LPAR1: variants seen among roughly 807,000 people sequenced by gnomAD.
LPAR1 encodes the protein lysophosphatidic acid receptor 1.
Under a neutral mutation model 23.8 loss-of-function variants are expected in LPAR1, and 5 were observed. That is an observed-to-expected ratio of 0.21 (90% CI 0.11 to 0.44). The LOEUF (loss-of-function observed/expected upper bound fraction) is 0.44, where lower values mean the gene tolerates loss of function less well. Among genes scored for constraint, LPAR1 ranks in the 20% least tolerant of loss-of-function variants. The probability of loss-of-function intolerance (pLI) is 0.99; values close to 1 mark genes in which losing one functional copy is unlikely to be tolerated. For missense variants in LPAR1, 311 were observed against 482.8 expected, an observed-to-expected ratio of 0.64 and a Z score of 3.33; for synonymous variants, 160 against 164.7, an observed-to-expected ratio of 0.97 and a Z score of 0.22.
At chr9:110,942,803 T>G (rs1023948198) in intron 4 of LPAR1, among the ~76,000 whole-genome samples, 1 of 152,164 alleles carries the variant, frequency 6.6e-6, no homozygotes, top group African/African-American at 2.4e-5. Flanking sequence ...ATAGGACTTG[T>G]CAACCAATCT....
chr9:110,874,512 G>T lies in LPAR1; in HGVS notation c.*909C>A, dbSNP rs919476830. 6.6e-6 allele frequency: 1 copy of T among 152,414 alleles called. No homozygotes were observed. The highest frequency in any genetic ancestry group is 6.6e-5 in the Admixed American group (1 of 15,246). The allele number at this position is 152,414 out of a possible 1,614,324, so 9.4% of individuals were successfully genotyped here. Reference sequence around the variant, plus strand: ...CATTTTTGCTTTTTTATACATTTCTGCATTTTTCAAGTTTTCTATGATGAG... The same window carrying T: ...CATTTTTGCTTTTTTATACATTTCTTCATTTTTCAAGTTTTCTATGATGAG... On this transcript the variant is annotated 3_prime_UTR_variant, in exon 6 of 6. Coordinates refer to ENST00000683809, the MANE Select transcript of LPAR1 (RefSeq NM_001351411.2).
chr9:110,878,134 T>C (rs974846550), intron 5 of LPAR1, among the ~76,000 whole-genome samples: 5 of 152,154 alleles, frequency 3.3e-5, no homozygotes, highest in Non-Finnish European at 5.9e-5. Context: ...AACTGGTTTT[T>C]GTACTAGGAT....
intron 4 of LPAR1, among the ~76,000 whole-genome samples, chr9:110,951,967 T>G (rs1044091512): frequency 6.6e-6 from 1 of 152,216 alleles, no homozygotes; most frequent in Admixed American, 6.5e-5. Context: ...TGCACAAGGA[T>G]GCATGCAGTA....
intron 5 of LPAR1, among the ~76,000 whole-genome samples, chr9:110,897,400 G>T (rs1387343286): frequency 2.0e-5 from 3 of 152,166 alleles, no homozygotes; most frequent in Non-Finnish European, 4.4e-5. Context: ...TCCCAGCCAT[G>T]TTGAACCATA....
At chr9:110,924,650 T>C (rs1040827689) in intron 5 of LPAR1, among the ~76,000 whole-genome samples, 2 of 150,798 alleles carry the variant, frequency 1.3e-5, no homozygotes, top group Admixed American at 6.6e-5. Flanking sequence ...CTGAGCAACA[T>C]AGCAATACAC....
At chr9:111,005,255 G>A (rs1233607426) in intron 2 of LPAR1, among the ~76,000 whole-genome samples, 1 of 151,134 alleles carries the variant, frequency 6.6e-6, no homozygotes, top group Non-Finnish European at 1.5e-5. Flanking sequence ...CAAAATTGTG[G>A]AAATCCTTTC....
chr9:110,950,686 C>G (rs1422920119), intron 4 of LPAR1, among the ~76,000 whole-genome samples: 1 of 151,902 alleles, frequency 6.6e-6, no homozygotes, highest in Non-Finnish European at 1.5e-5. Flanking sequence ...AACACATTTA[C>G]AGTAACAAGA....
intron 2 of LPAR1, among the ~76,000 whole-genome samples, chr9:111,001,131 C>T (rs1393335971): frequency 6.6e-6 from 1 of 152,096 alleles, no homozygotes; most frequent in Non-Finnish European, 1.5e-5. Context: ...ACTATTACTC[C>T]TACTATTCAA....
At chr9:110,876,198 G>T (rs911877260) in intron 5 of LPAR1, among the ~76,000 whole-genome samples, 2 of 152,126 alleles carry the variant, frequency 1.3e-5, no homozygotes, top group Non-Finnish European at 2.9e-5. Flanking sequence ...GGTGAACTTA[G>T]GCAAACTACT....
intron 5 of LPAR1, among the ~76,000 whole-genome samples, chr9:110,936,917 G>T (rs370183369): frequency 6.6e-6 from 1 of 152,130 alleles, no homozygotes; most frequent in African/African-American, 2.4e-5. Flanking sequence ...AAATAAGGAA[G>T]AACATCTTGA....
chr9:111,003,421 T>C (rs1266844212), intron 2 of LPAR1, among the ~76,000 whole-genome samples: 1 of 152,092 alleles, frequency 6.6e-6, no homozygotes, highest in African/African-American at 2.4e-5. Flanking sequence ...CAAATCTACT[T>C]AGAACCCATT....
At chr9:110,914,364 C>T (rs369171414) in intron 5 of LPAR1, among the ~76,000 whole-genome samples, 56 of 152,252 alleles carry the variant, frequency 3.7e-4, no homozygotes, top group African/African-American at 9.6e-4. Context: ...TCTTACATGG[C>T]GGCAAGCAAG....
chr9:110,880,248 G>T (rs146624388), intron 5 of LPAR1, among the ~76,000 whole-genome samples: 202 of 152,282 alleles, frequency 1.3e-3, no homozygotes, highest in Middle Eastern at 3.4e-3. Flanking sequence ...TGCCCACAAA[G>T]ATGGAGGGAG....
chr9:111,001,836 A>G (rs1486805998), intron 2 of LPAR1, among the ~76,000 whole-genome samples: 1 of 152,216 alleles, frequency 6.6e-6, no homozygotes, highest in African/African-American at 2.4e-5. Flanking sequence ...CTCCAAAGAA[A>G]GTCATGTAAT....
At chr9:111,002,322 T>A (rs55876033) in intron 2 of LPAR1, among the ~76,000 whole-genome samples, 15 of 152,216 alleles carry the variant, frequency 9.9e-5, no homozygotes, top group Non-Finnish European at 1.9e-4. Context: ...CACATATTCA[T>A]CTGTTATACT....
At chr9:110,964,547 T>C (rs979949085) in intron 4 of LPAR1, among the ~76,000 whole-genome samples, 1 of 152,194 alleles carries the variant, frequency 6.6e-6, no homozygotes, top group African/African-American at 2.4e-5. Context: ...GTGAAGCAAC[T>C]GTGTCAAAAT....
intron 4 of LPAR1, among the ~76,000 whole-genome samples, chr9:110,955,669 A>C (rs1486419411): frequency 1.3e-5 from 2 of 152,038 alleles, no homozygotes; most frequent in African/African-American, 4.8e-5. Flanking sequence ...AAAAAGTCTC[A>C]ACAAATTTAA....
Position 110,975,885 on chromosome 9 carries a change from C to A in LPAR1, c.-181-2327G>T, listed in dbSNP as rs143683548. ...TTTTGTTGAACCTATTCACACATTACAAGAACGCTTTATAAAATAGTGTAT... is the reference window on the plus strand; with the variant it reads ...TTTTGTTGAACCTATTCACACATTAAAAGAACGCTTTATAAAATAGTGTAT... On this transcript the variant is annotated intron_variant, in intron 2 of 5. Transcript: ENST00000683809. 3.3e-5 allele frequency among the ~76,000 whole-genome samples: 5 copies of A among 152,288 alleles called. No homozygotes were observed. In the East Asian group the frequency reaches 9.6e-4, roughly 29 times the overall value.
chr9:110,882,204 T>C (rs2081068934), intron 5 of LPAR1, among the ~76,000 whole-genome samples: 1 of 152,310 alleles, frequency 6.6e-6, no homozygotes, highest in Admixed American at 6.5e-5. Flanking sequence ...TATTTATTGG[T>C]TTACATGTTT....
Sources: allele counts gnomAD v4.1 joint callset (sites outside exome capture counted in the v4.1 genomes callset), GRCh38; gene constraint gnomAD v4.1.1; transcripts MANE v1.5; gene names NCBI Gene and HGNC (gene_info 2026-07-23, HGNC 2026-07-21).